The following RTCA variants were observed in gnomAD, a reference collection of about 807,000 sequenced individuals.
The protein encoded by RTCA is RNA 3'-terminal phosphate cyclase, also known as RNA terminal phosphate cyclase domain 1.
A neutral mutation model predicts 46.1 loss-of-function variants in RTCA; 37 were observed. The ratio of observed to expected loss-of-function variants is 0.80; its 90% CI spans 0.62 to 1.06. RTCA has a LOEUF of 1.06. RTCA is among the 50% of genes least tolerant of loss of function. The pLI is 0.00. For missense variants in RTCA, 435 were observed against 455.5 expected (o/e 0.95, Z 0.41); for synonymous variants, 164 against 158.3 (o/e 1.04, Z -0.27).
chr1:100,269,167 C>G (rs1376518917), intron 3 of RTCA, among the ~76,000 whole-genome samples: 1 of 151,752 alleles, frequency 6.6e-6, no homozygotes, highest in African/African-American at 2.4e-5. Context: ...CGCTGCACTC[C>G]AGCCTGGGTG....
intron 5 of RTCA, 60 bp from the exon 6 acceptor site, chr1:100,274,764 A>G (rs754156854): frequency 1.3e-6 from 2 of 1,491,110 alleles, no homozygotes; most frequent in Non-Finnish European, 1.8e-6. Context: ...TTATTGTAAT[A>G]TAGAGCTTTG....
At chr1:100,267,259 A>G (rs1300641001) in intron 2 of RTCA, 2 of 420,558 alleles carry the variant, frequency 4.8e-6, no homozygotes, top group Admixed American at 3.9e-5. Context: ...TGTATTCTGT[A>G]TTTATTACAT....
chr1:100,279,251 A>G (rs1288883201), intron 8 of RTCA, among the ~76,000 whole-genome samples: 1 of 152,210 alleles, frequency 6.6e-6, no homozygotes, highest in Non-Finnish European at 1.5e-5. Context: ...AGTGACAGCT[A>G]TGATTCCTGC....
intron 7 of RTCA, among the ~76,000 whole-genome samples, chr1:100,277,001 G>C (rs990095999): frequency 2.0e-5 from 3 of 152,160 alleles, no homozygotes; most frequent in African/African-American, 4.8e-5. Context: ...TAACTTGTTG[G>C]GGGGCATGGT....
intron 3 of RTCA, among the ~76,000 whole-genome samples, chr1:100,268,496 A>G (rs1665907030): frequency 6.6e-6 from 1 of 152,026 alleles, no homozygotes; most frequent in African/African-American, 2.4e-5. Flanking sequence ...CCTGGGCCCA[A>G]CAGGTCCTCC....
At chr1:100,291,228 T>C (rs1222976876) in intron 10 of RTCA, among the ~76,000 whole-genome samples, 175 bp from the exon 11 acceptor site, 1 of 152,118 alleles carries the variant, frequency 6.6e-6, no homozygotes, top group Non-Finnish European at 1.5e-5. Context: ...TACAATGAAA[T>C]GTGTTATCTT....
rs763133335 is a variant in RTCA, at chr1:100,287,196, T to C, written c.992T>C (p.Ile331Thr). The C allele has an allele frequency of 5.1e-6, 8 of 1,566,436 alleles. No individual in the cohort carries two copies. The South Asian group carries it at 9.7e-5, about 19-fold the overall frequency. ...ACCGCGATACATTTTGCTGAACAAA[T>C]AGCAAAGGTGAGTATTCTATCAGAA... ...TQTAIHFAEQIAKAKFIVKKS... is the reference protein window; with the variant it reads ...TQTAIHFAEQTAKAKFIVKKS... Residue 331 changes from isoleucine (I) to threonine (T), a missense_variant, in exon 10 of 11, where the codon ATA becomes ACA. Coordinates refer to ENST00000370128, the MANE Select transcript of RTCA (RefSeq NM_003729.4).
At chr1:100,272,861 T>C (rs1326831669) in intron 4 of RTCA, among the ~76,000 whole-genome samples, 1 of 152,228 alleles carries the variant, frequency 6.6e-6, no homozygotes, top group Admixed American at 6.5e-5. Context: ...ATATAAGATA[T>C]ATCATTATCT....
chr1:100,266,291 A>T lies in RTCA; in HGVS notation c.-85A>T. 6.5e-7 allele frequency: 1 copy of T among 1,542,394 alleles called. No individual in the cohort carries two copies. Among genetic ancestry groups the T allele is most frequent in the Non-Finnish European group, 8.8e-7 (1 of 1,138,434 alleles). Reference sequence around the variant, plus strand: ...CCCAGGCATGAACCAAGGTTTCTGAACTACTGGGCGGGAGCCAACGTCTCT... The same window carrying T: ...CCCAGGCATGAACCAAGGTTTCTGATCTACTGGGCGGGAGCCAACGTCTCT... On this transcript the variant is annotated 5_prime_UTR_variant, in exon 1 of 11. Transcript: ENST00000370128.
intron 2 of RTCA, chr1:100,266,985 T>A: frequency 3.4e-6 from 1 of 296,834 alleles, no homozygotes; most frequent in Non-Finnish European, 6.4e-6. Context: ...GAGGAAACCC[T>A]GTTTTATAAC....
chr1:100,281,292 G>T (rs572632934), intron 8 of RTCA: 7 of 534,000 alleles, frequency 1.3e-5, no homozygotes, highest in African/African-American at 9.6e-5. Context: ...AGAAAATCTC[G>T]CTGTTTTAGA....
intron 10 of RTCA, 150 bp downstream of exon 10, chr1:100,287,353 A>C (rs1570892476): frequency 3.9e-6 from 2 of 511,118 alleles, no homozygotes; most frequent in Non-Finnish European, 6.7e-6. Context: ...CAATTTATCT[A>C]AACTGTCTAC....
intron 2 of RTCA, chr1:100,267,029 T>C (rs1227047405): frequency 9.0e-5 from 21 of 232,164 alleles, no homozygotes; most frequent in Non-Finnish European, 1.7e-5. Flanking sequence ...AGTTTTAGAA[T>C]CATAAAACAG....
rs190719750 is a variant in RTCA, at chr1:100,291,742, G to T, written c.*238G>T. Reference sequence around the variant, plus strand: ...TGTGATAGCTGATTTCAATATTGAAGTATTGAAATAAAATATTCTTTACAC... The same window carrying T: ...TGTGATAGCTGATTTCAATATTGAATTATTGAAATAAAATATTCTTTACAC... On this transcript the variant is annotated 3_prime_UTR_variant, in exon 11 of 11. Coordinates refer to ENST00000370128, the MANE Select transcript of RTCA (RefSeq NM_003729.4). The T allele has an allele frequency of 3.4e-5, 9 of 264,348 alleles. No individual in the cohort carries two copies. Among genetic ancestry groups the T allele is most frequent in the East Asian group, 2.1e-4 (3 of 14,548 alleles). 16.4% of individuals were successfully genotyped at this position (264,348 alleles called of 1,614,324 possible).
chr1:100,282,009 G>A (rs530582393), intron 8 of RTCA, among the ~76,000 whole-genome samples: 2 of 152,162 alleles, frequency 1.3e-5, no homozygotes, highest in Admixed American at 1.3e-4. Context: ...CCGGCCTCAT[G>A]GCATCTCTCT....
intron 5 of RTCA, 45 bp from the exon 6 acceptor site, chr1:100,274,779 T>C (rs369125194): frequency 7.1e-6 from 11 of 1,556,336 alleles, no homozygotes; most frequent in African/African-American, 2.7e-5. Context: ...GCTTTGTTTT[T>C]GTCATGCAAT....
At position 100,266,421 on chromosome 1, in the gene RTCA, G is replaced by A; in HGVS notation, c.45+1G>A. Reference sequence around the variant, plus strand: ...GGTCGATGGCAGCATCATGGAAGGGGTGAGTACAGAGCGAAGCGGCCGGGG... The same window carrying A: ...GGTCGATGGCAGCATCATGGAAGGGATGAGTACAGAGCGAAGCGGCCGGGG... On this transcript the variant is annotated splice_donor_variant, in intron 1 of 10. Transcript: ENST00000370128. LOFTEE classifies it high-confidence loss of function. 1 of 1,613,420 alleles carries A rather than the reference G, an allele frequency of 6.2e-7. No individual in the cohort carries two copies. The highest frequency in any genetic ancestry group is 1.1e-5 in the South Asian group (1 of 90,972).
At chr1:100,269,851 G>A (rs1203186338) in intron 3 of RTCA, among the ~76,000 whole-genome samples, 5 of 151,828 alleles carry the variant, frequency 3.3e-5, no homozygotes, top group African/African-American at 4.8e-5. Flanking sequence ...CCTGCCCCCC[G>A]ACAAGCCCTG....
chr1:100,285,409 C>A, intron 9 of RTCA, 87 bp downstream of exon 9: 2 of 904,000 alleles, frequency 2.2e-6, no homozygotes, highest in Non-Finnish European at 3.5e-6. Context: ...AATTGACTTT[C>A]AGACACTAAT....
Sources: gnomAD v4.1 joint callset for allele counts (sites outside exome capture counted in the v4.1 genomes callset) on GRCh38, gnomAD v4.1.1 for gene constraint, MANE v1.5 for transcripts, NCBI Gene and HGNC (gene_info 2026-07-23, HGNC 2026-07-21) for gene names.